The following PTPRD variants were observed in gnomAD, a reference collection of about 807,000 sequenced individuals.
PTPRD encodes receptor-type tyrosine-protein phosphatase delta.
In PTPRD, 34 loss-of-function variants were observed where a neutral mutation model predicts 214.5. That is an observed-to-expected ratio of 0.16 (90% CI 0.12 to 0.21). PTPRD has a LOEUF of 0.21. PTPRD is among the 10% of genes least tolerant of loss of function. PTPRD has a pLI of 1.00. For missense variants in PTPRD, 2,545 were observed against 2,398.7 expected, an observed-to-expected ratio of 1.06 and a Z score of -1.27; for synonymous variants, 1,128 against 845.7, an observed-to-expected ratio of 1.33 and a Z score of -5.79.
chr9:9,615,443 A>C (rs2094801363), intron 7 of PTPRD, among the ~76,000 whole-genome samples: 1 of 151,946 alleles, frequency 6.6e-6, no homozygotes, highest in Non-Finnish European at 1.5e-5. Context: ...CCATTACCAA[A>C]CCATGTCTTC....
intron 8 of PTPRD, among the ~76,000 whole-genome samples, chr9:9,420,085 A>T (rs949914591): frequency 7.9e-6 from 1 of 127,232 alleles, no homozygotes; most frequent in African/African-American, 3.0e-5. Context: ...TAAAATGCAC[A>T]TAGTGTAATG....
intron 3 of PTPRD, among the ~76,000 whole-genome samples, chr9:10,185,328 G>A (rs294849): frequency 0.089 from 13,510 of 152,174 alleles, 709 homozygotes; most frequent in African/African-American, 0.14. Context: ...CAATAATTTC[G>A]ATGATACTTT....
intron 4 of PTPRD, among the ~76,000 whole-genome samples, chr9:9,944,219 A>G (rs2092172635): frequency 6.6e-6 from 1 of 152,092 alleles, no homozygotes; most frequent in African/African-American, 2.4e-5. Flanking sequence ...ACAGATGTCA[A>G]TCACTACAAA....
At chr9:9,237,849 A>C (rs2099967889) in intron 9 of PTPRD, among the ~76,000 whole-genome samples, 1 of 152,072 alleles carries the variant, frequency 6.6e-6, no homozygotes, top group African/African-American at 2.4e-5. Flanking sequence ...ATTTTTGATG[A>C]GGTTAACAGG....
At chr9:8,999,537 T>C (rs536228361) in intron 11 of PTPRD, among the ~76,000 whole-genome samples, 2 of 152,222 alleles carry the variant, frequency 1.3e-5, no homozygotes, top group Admixed American at 6.6e-5. Context: ...AACTTTTATA[T>C]GCTCTAGGAA....
At chr9:9,320,787 G>C (rs945153360) in intron 9 of PTPRD, among the ~76,000 whole-genome samples, 5 of 152,132 alleles carry the variant, frequency 3.3e-5, no homozygotes, top group African/African-American at 1.2e-4. Flanking sequence ...CTACTTTTAT[G>C]ATACCTCTAC....
intron 2 of PTPRD, among the ~76,000 whole-genome samples, chr9:10,430,331 T>C (rs1262138960): frequency 1.3e-5 from 2 of 151,960 alleles, no homozygotes; most frequent in Non-Finnish European, 2.9e-5. Context: ...AACTAATTAA[T>C]GTAAATCTAT....
chr9:9,297,681 T>C (rs1953618543), intron 9 of PTPRD, among the ~76,000 whole-genome samples: 1 of 151,640 alleles, frequency 6.6e-6, no homozygotes, highest in South Asian at 2.1e-4. Flanking sequence ...TAAAAAATAA[T>C]AAAATCCAAC....
intron 14 of PTPRD, among the ~76,000 whole-genome samples, chr9:8,607,450 C>T (rs2095270545): frequency 1.3e-5 from 2 of 152,124 alleles, no homozygotes; most frequent in South Asian, 2.1e-4. Context: ...TGAGATCAGT[C>T]TGGTCAACAT....
chr9:10,215,417 T>C (rs1444076897), intron 3 of PTPRD, among the ~76,000 whole-genome samples: 3 of 152,116 alleles, frequency 2.0e-5, no homozygotes, highest in African/African-American at 4.8e-5. Flanking sequence ...CTATTCAGTA[T>C]TCTTAGATAT....
intron 3 of PTPRD, among the ~76,000 whole-genome samples, chr9:10,241,196 T>C (rs2090973078): frequency 6.6e-6 from 1 of 151,960 alleles, no homozygotes; most frequent in South Asian, 2.1e-4. Flanking sequence ...TAACTGATTA[T>C]ATCAAGTGTT....
intron 31 of PTPRD, among the ~76,000 whole-genome samples, chr9:8,467,499 C>T (rs552686207): frequency 2.2e-3 from 328 of 151,876 alleles, no homozygotes; most frequent in African/African-American, 7.4e-3. Flanking sequence ...TAATATTATC[C>T]TCATTTTATA....
chr9:9,492,115 C>A (rs1198530092), intron 8 of PTPRD, among the ~76,000 whole-genome samples: 1 of 151,800 alleles, frequency 6.6e-6, no homozygotes, highest in African/African-American at 2.4e-5. Context: ...CTATGAGCAA[C>A]TGTATGCCAA....
At chr9:10,467,556 CA>C (rs1327568705) in intron 2 of PTPRD, among the ~76,000 whole-genome samples, 1 of 152,146 alleles carries the variant, frequency 6.6e-6, no homozygotes, top group South Asian at 2.1e-4. Flanking sequence ...TTATTACTTA[CA>C]CAAAATTTTT....
chr9:8,872,308 G>A (rs1566754696), intron 11 of PTPRD, among the ~76,000 whole-genome samples: 4 of 152,092 alleles, frequency 2.6e-5, no homozygotes, highest in Non-Finnish European at 5.9e-5. Context: ...CTTTACTCTG[G>A]AGCAACTGTG....
intron 8 of PTPRD, among the ~76,000 whole-genome samples, chr9:9,475,351 G>A (rs1221359529): frequency 6.6e-6 from 1 of 152,144 alleles, no homozygotes; most frequent in Non-Finnish European, 1.5e-5. Context: ...AACCTGTATA[G>A]CCTCACTCTT....
intron 2 of PTPRD, among the ~76,000 whole-genome samples, chr9:10,588,420 CTTAT>C (rs1327488307): frequency 1.3e-5 from 1 of 78,224 alleles, no homozygotes; most frequent in African/African-American, 4.3e-5. Context: ...GTCATTTTGG[CTTAT>C]TGTACACACA....
chr9:10,090,242 G>C (rs1239083093), intron 3 of PTPRD, among the ~76,000 whole-genome samples: 2 of 151,476 alleles, frequency 1.3e-5, no homozygotes, highest in Non-Finnish European at 3.0e-5. Flanking sequence ...ATCTAAATTT[G>C]ACTGACTTAT....
At chr9:8,467,894 A>T (rs1057225148) in intron 31 of PTPRD, among the ~76,000 whole-genome samples, 4 of 151,978 alleles carry the variant, frequency 2.6e-5, no homozygotes, top group African/African-American at 9.7e-5. Flanking sequence ...CAAGAAGGAA[A>T]ATGCACTGCA....
Sources: gnomAD v4.1 joint callset for allele counts (sites outside exome capture counted in the v4.1 genomes callset) on GRCh38, gnomAD v4.1.1 for gene constraint, MANE v1.5 for transcripts, NCBI Gene and HGNC (gene_info 2026-07-23, HGNC 2026-07-21) for gene names.